The following FAM3C variants were observed in gnomAD, a reference collection of about 807,000 sequenced individuals.
FAM3C encodes FAM3 metabolism regulating signaling molecule C, also known as protein FAM3C.
FAM3C carries 15 observed loss-of-function variants against 32.5 expected under a neutral mutation model. The observed-to-expected ratio is 0.46, with a 90% CI of 0.31 to 0.71. The LOEUF (loss-of-function observed/expected upper bound fraction) is 0.71, where lower values mean the gene tolerates loss of function less well. Ranked by LOEUF, FAM3C falls within the 30% of genes least tolerant of loss-of-function variation. The pLI, the probability that FAM3C is intolerant of heterozygous loss-of-function variation, is 0.05. For synonymous variants in FAM3C, 75 were observed against 86.1 expected (o/e 0.87, Z 0.72); for missense variants, 175 against 274.4 (o/e 0.64, Z 2.56).
Position 121,358,562 on chromosome 7 carries a change from A to G in FAM3C, c.467+1481T>C, listed in dbSNP as rs140796745. 3.4e-4 allele frequency among the ~76,000 whole-genome samples: 51 copies of G among 150,820 alleles called. No homozygotes were observed. In the East Asian group the frequency reaches 9.3e-3, roughly 27 times the overall value. On this transcript the variant is annotated intron_variant, in intron 8 of 9. Coordinates refer to ENST00000359943, the MANE Select transcript of FAM3C (RefSeq NM_014888.3). ...ATAATTGAAATAGTGTCTTTTTGGAACAGAGATAAACAGGTCAAGTGAATG... is the reference window on the plus strand; with the variant it reads ...ATAATTGAAATAGTGTCTTTTTGGAGCAGAGATAAACAGGTCAAGTGAATG...
intron 3 of FAM3C, among the ~76,000 whole-genome samples, chr7:121,377,160 T>G (rs1211885555): frequency 6.6e-6 from 1 of 152,150 alleles, no homozygotes; most frequent in East Asian, 1.9e-4. Flanking sequence ...TAAGGGACTT[T>G]CCCCTCGCTT....
chr7:121,383,050 G>T, intron 1 of FAM3C, 40 bp from the exon 2 acceptor site: 2 of 1,064,150 alleles, frequency 1.9e-6, no homozygotes, highest in South Asian at 1.4e-5. Flanking sequence ...ATTAGCTCTA[G>T]AGCAAACATT....
intron 8 of FAM3C, among the ~76,000 whole-genome samples, chr7:121,356,003 T>C (rs1793800453): frequency 6.7e-6 from 1 of 149,198 alleles, no homozygotes; most frequent in Non-Finnish European, 1.5e-5. Flanking sequence ...AATCAAGTTC[T>C]GAATGAAGAG....
intron 3 of FAM3C, among the ~76,000 whole-genome samples, chr7:121,372,399 G>A (rs1794166455): frequency 6.6e-6 from 1 of 152,076 alleles, no homozygotes; most frequent in African/African-American, 2.4e-5. Context: ...TTGAATTTTA[G>A]TTACTATATA....
In FAM3C at chr7:121,362,573, T is replaced by C. The variant is rs1016512634; in HGVS notation, c.382+324A>G. ...CTGGTCTTCAAATTACTTTTTTTTT[T>C]TAAATTTTAGACACACTTAAAGGAG... On this transcript the variant is annotated intron_variant, in intron 7 of 9. Coordinates refer to ENST00000359943, the MANE Select transcript of FAM3C (RefSeq NM_014888.3). 5 of 230,206 alleles carry C rather than the reference T, an allele frequency of 2.2e-5. No individual in the cohort carries two copies. The South Asian group carries it at 3.4e-4, about 15-fold the overall frequency. The allele number at this position is 230,206 out of a possible 1,614,324, so 14.3% of individuals were successfully genotyped here. A position where few individuals can be genotyped will look rare whatever the true frequency, so the allele number is the denominator to read the frequency against.
At chr7:121,390,250 A>G (rs553901016) in intron 1 of FAM3C, among the ~76,000 whole-genome samples, 1 of 152,308 alleles carries the variant, frequency 6.6e-6, no homozygotes, top group Admixed American at 6.5e-5. Context: ...TAAACTCAGG[A>G]TAAGGCTTAC....
At chr7:121,366,811 G>C (rs1209949998) in intron 5 of FAM3C, among the ~76,000 whole-genome samples, 1 of 152,158 alleles carries the variant, frequency 6.6e-6, no homozygotes, top group African/African-American at 2.4e-5. Context: ...AGAGAAGGAA[G>C]TTTCAAAATG....
chr7:121,350,577 GT>G (rs1441184739), intron 9 of FAM3C, 27 bp from the exon 10 acceptor site: 1 of 1,607,756 alleles, frequency 6.2e-7, no homozygotes, highest in African/African-American at 1.3e-5. Flanking sequence ...ATAATATACA[GT>G]TTAAAAAACC....
intron 7 of FAM3C, among the ~76,000 whole-genome samples, chr7:121,361,576 T>C (rs1306055779): frequency 6.6e-6 from 1 of 152,250 alleles, no homozygotes; most frequent in Non-Finnish European, 1.5e-5. Context: ...GACCAATTTA[T>C]GCCTTTAGAA....
In FAM3C at chr7:121,351,222, G is replaced by C; in HGVS notation, c.515C>G (p.Ser172Cys). 6.2e-7 allele frequency: 1 copy of C among 1,613,558 alleles called. No individual in the cohort carries two copies. The highest frequency in any genetic ancestry group is 8.5e-7 in the Non-Finnish European group (1 of 1,179,664). ...GTCTCTAAAACCAAGATTAGTAATA[G>C]ATGTGCTCCCCAAATCAGCAATGAG... ...RRLIADLGST[S>C]ITNLGFRDNW... Residue 172 changes from serine to cysteine, a missense_variant, in exon 9 of 10, where the codon TCT (serine) becomes TGT (cysteine). Coordinates refer to ENST00000359943, the MANE Select transcript of FAM3C (RefSeq NM_014888.3).
At chr7:121,386,423 A>G (rs112902839) in intron 1 of FAM3C, among the ~76,000 whole-genome samples, 6 of 152,164 alleles carry the variant, frequency 3.9e-5, no homozygotes, top group African/African-American at 1.4e-4. Flanking sequence ...GCCTATCTTT[A>G]AACTGAGACA....
At chr7:121,383,412 G>C (rs1222799752) in intron 1 of FAM3C, among the ~76,000 whole-genome samples, 1 of 152,092 alleles carries the variant, frequency 6.6e-6, no homozygotes, top group Non-Finnish European at 1.5e-5. Flanking sequence ...TGTAGACATG[G>C]GGCTGGAATT....
At chr7:121,359,543 C>G (rs141349879) in intron 8 of FAM3C, among the ~76,000 whole-genome samples, 1 of 151,984 alleles carries the variant, frequency 6.6e-6, no homozygotes, top group African/African-American at 2.4e-5. Flanking sequence ...GGAACTTGGT[C>G]TCTTTGCGCT....
In FAM3C at chr7:121,349,623, A is replaced by G. The variant is rs1235120322; in HGVS notation, c.*838T>C. On this transcript the variant is annotated 3_prime_UTR_variant, in exon 10 of 10. Transcript: ENST00000359943. ...CTTCCAAACCACTTGGTCAATGCTG[A>G]TAACAATTAAGAAAAACGTATGCTA... 2 of 152,472 alleles carry G rather than the reference A, an allele frequency of 1.3e-5. No homozygotes were observed. Among genetic ancestry groups the G allele is most frequent in the East Asian group, 1.9e-4 (1 of 5,192 alleles). The allele number at this position is 152,472 out of a possible 1,614,324, so 9.4% of individuals were successfully genotyped here.
chr7:121,355,186 A>G (rs577651104), intron 8 of FAM3C, among the ~76,000 whole-genome samples: 1 of 152,060 alleles, frequency 6.6e-6, no homozygotes, highest in East Asian at 1.9e-4. Context: ...TGATCAACAT[A>G]AAAAGGGAAT....
chr7:121,360,914 A>G (rs2952562), intron 7 of FAM3C, among the ~76,000 whole-genome samples: 10,174 of 152,266 alleles, frequency 0.067, 1,137 homozygotes, highest in African/African-American at 0.23. Flanking sequence ...GAAAGAGGAT[A>G]CACAGCTTTT....
intron 8 of FAM3C, among the ~76,000 whole-genome samples, chr7:121,359,088 A>G (rs914495138): frequency 1.3e-5 from 2 of 151,922 alleles, no homozygotes; most frequent in Admixed American, 1.3e-4. Flanking sequence ...AAAATTAACA[A>G]TTGGTGCCAT....
chr7:121,375,371 G>C (rs1055565045), intron 3 of FAM3C, among the ~76,000 whole-genome samples: 4 of 152,210 alleles, frequency 2.6e-5, no homozygotes, highest in African/African-American at 7.2e-5. Flanking sequence ...ACTGGCACAA[G>C]AGTGTGACCC....
chr7:121,381,826 G>C (rs1794363817), intron 2 of FAM3C, among the ~76,000 whole-genome samples: 1 of 152,094 alleles, frequency 6.6e-6, no homozygotes, highest in South Asian at 2.1e-4. Flanking sequence ...AAGAGATTCA[G>C]TTTTTCAAGT....
Sources: gnomAD v4.1 joint callset for allele counts (sites outside exome capture counted in the v4.1 genomes callset) on GRCh38, gnomAD v4.1.1 for gene constraint, MANE v1.5 for transcripts, NCBI Gene and HGNC (gene_info 2026-07-23, HGNC 2026-07-21) for gene names.